Variants in GPBP1 observed in about 807,000 individuals in gnomAD.
GPBP1 encodes GC-rich promoter binding protein 1.
Under a neutral mutation model 56.5 loss-of-function variants are expected in GPBP1, and 13 were observed. The ratio of observed to expected loss-of-function variants is 0.23; its 90% CI spans 0.15 to 0.37. GPBP1 has a LOEUF of 0.37. Among genes scored for constraint, GPBP1 ranks in the 10% least tolerant of loss-of-function variants. GPBP1 has a pLI of 1.00. For synonymous variants in GPBP1, 204 were observed against 188.9 expected, an observed-to-expected ratio of 1.08 and a Z score of -0.66; for missense variants, 477 against 572.3, an observed-to-expected ratio of 0.83 and a Z score of 1.70.
intron 8 of GPBP1, among the ~76,000 whole-genome samples, chr5:57,248,097 C>T (rs905599063): frequency 6.6e-6 from 1 of 152,024 alleles, no homozygotes; most frequent in South Asian, 2.1e-4. Context: ...TAATTTGATA[C>T]TTGTGATAGT....
rs1041773604 is a variant in GPBP1 at position 57,264,418 on chromosome 5, A to G, written c.*1666A>G. 2.6e-5 allele frequency: 4 copies of G among 152,152 alleles called. No homozygotes were observed. The highest frequency in any genetic ancestry group is 7.2e-5 in the African/African-American group (3 of 41,440). 9.4% of individuals were successfully genotyped at this position (152,152 alleles called of 1,614,324 possible). A position where few individuals can be genotyped will look rare whatever the true frequency, so the allele number is the denominator to read the frequency against. On this transcript the variant is annotated 3_prime_UTR_variant, in exon 12 of 12. Coordinates refer to ENST00000506184, the MANE Select transcript of GPBP1 (RefSeq NM_022913.4). ...TTTGCTTAATAGATTAATGAAATTT[A>G]TCAGATACAACCTGTATTTCCAAAA...
chr5:57,192,481 C>T (rs946924969), intron 2 of GPBP1, among the ~76,000 whole-genome samples: 4 of 151,972 alleles, frequency 2.6e-5, no homozygotes, highest in Admixed American at 6.6e-5. Context: ...TGGCTGGGCA[C>T]GGTGGCTCAC....
rs138518146 is a variant in GPBP1, at chr5:57,258,627, C to T, written c.1161-2553C>T. On this transcript the variant is annotated intron_variant, in intron 10 of 11. Coordinates refer to ENST00000506184, the MANE Select transcript of GPBP1 (RefSeq NM_022913.4). ...TGTATGTTTAGGGGGGAAAGGGAAA[C>T]ACAGATTGTTTTTATTTTTTCTTAT... Among the ~76,000 whole-genome samples, 478 of 152,192 alleles carry T rather than the reference C, an allele frequency of 3.1e-3. 4 individuals are homozygous for T. Among genetic ancestry groups the T allele is most frequent in the African/African-American group, 0.011 (457 of 41,526 alleles).
intron 2 of GPBP1, among the ~76,000 whole-genome samples, chr5:57,195,212 G>C (rs1449609710): frequency 1.3e-5 from 2 of 152,090 alleles, no homozygotes; most frequent in Non-Finnish European, 2.9e-5. Flanking sequence ...CTAGAGTGCA[G>C]TGGCATGATC....
intron 10 of GPBP1, among the ~76,000 whole-genome samples, chr5:57,257,159 G>A (rs1561379226): frequency 2.0e-5 from 3 of 151,408 alleles, no homozygotes; most frequent in East Asian, 3.9e-4. Flanking sequence ...TCGGCCTCCC[G>A]GAATAGCTGG....
At position 57,189,211 on chromosome 5, in the gene GPBP1, C is replaced by T. The variant is rs557792504; in HGVS notation, c.-58+12811C>T. Among the ~76,000 whole-genome samples the T allele has an allele frequency of 2.0e-5, 3 of 152,292 alleles. No homozygotes were observed. In the South Asian group the frequency reaches 6.2e-4, roughly 32 times the overall value. On this transcript the variant is annotated intron_variant, in intron 2 of 11. Coordinates refer to ENST00000506184, the MANE Select transcript of GPBP1 (RefSeq NM_022913.4). ...CTCAGTTCACTGCAACTTCCACTTTCCAGTTCAGGTCATTCTCATGCCTCA... is the reference window on the plus strand; with the variant it reads ...CTCAGTTCACTGCAACTTCCACTTTTCAGTTCAGGTCATTCTCATGCCTCA...
chr5:57,200,360 A>T (rs1471208228), intron 2 of GPBP1, among the ~76,000 whole-genome samples: 18 of 69,834 alleles, frequency 2.6e-4, no homozygotes, highest in African/African-American at 1.0e-3. Context: ...ATAAGTTTGA[A>T]TTTTTTTTTT....
At chr5:57,179,536 C>T (rs978761991) in intron 2 of GPBP1, among the ~76,000 whole-genome samples, 1 of 152,176 alleles carries the variant, frequency 6.6e-6, no homozygotes, top group African/African-American at 2.4e-5. Flanking sequence ...TCACCCATAG[C>T]CTGTTTCCAC....
At position 57,253,295 on chromosome 5, in the gene GPBP1, A is replaced by C. The variant is rs1255732477; in HGVS notation, c.1160+2154A>C. ...TTAGATTATCATATTATTATTCTGT[A>C]ATTGCTTTGTATAAACTGATTTTTT... is the stretch of plus-strand genomic sequence containing the variant. On this transcript the variant is annotated intron_variant, in intron 10 of 11. Coordinates refer to ENST00000506184, the MANE Select transcript of GPBP1 (RefSeq NM_022913.4). Among the ~76,000 whole-genome samples, 2 of 152,164 alleles carry C rather than the reference A, an allele frequency of 1.3e-5. 1 individual carries two copies. Among genetic ancestry groups the C allele is most frequent in the Admixed American group, 1.3e-4 (2 of 15,268 alleles).
chr5:57,174,810 G>T (rs989497132), intron 1 of GPBP1, among the ~76,000 whole-genome samples: 4 of 152,152 alleles, frequency 2.6e-5, no homozygotes, highest in Non-Finnish European at 5.9e-5. Flanking sequence ...CCTCAGTTTT[G>T]GGAGAAACCT....
intron 3 of GPBP1, among the ~76,000 whole-genome samples, chr5:57,220,332 G>A (rs1184604492): frequency 1.3e-5 from 2 of 151,736 alleles, no homozygotes; most frequent in African/African-American, 4.8e-5. Context: ...TTTTGGACCT[G>A]ACTCTTGATT....
chr5:57,248,080 A>G (rs947280520), intron 8 of GPBP1, among the ~76,000 whole-genome samples: 6 of 152,110 alleles, frequency 3.9e-5, no homozygotes, highest in Admixed American at 6.5e-5. Flanking sequence ...GAAAATTGCA[A>G]TTTTCTTAAT....
At chr5:57,261,385 C>T (rs949576728) in intron 11 of GPBP1, 103 bp downstream of exon 11, 34 of 679,440 alleles carry the variant, frequency 5.0e-5, no homozygotes, top group Middle Eastern at 6.8e-4. Context: ...GAATTTATCA[C>T]GATAGGTCAG....
intron 10 of GPBP1, among the ~76,000 whole-genome samples, chr5:57,255,994 C>T (rs902807087): frequency 6.6e-5 from 10 of 152,142 alleles, no homozygotes; most frequent in Non-Finnish European, 1.3e-4. Context: ...CAATGACTCA[C>T]GCCTATAATC....
chr5:57,255,149 G>A (rs756596881), intron 10 of GPBP1, among the ~76,000 whole-genome samples: 1 of 152,020 alleles, frequency 6.6e-6, no homozygotes, highest in Non-Finnish European at 1.5e-5. Flanking sequence ...TTGTGAAACT[G>A]TTTTCCTGTG....
At chr5:57,234,145 T>G (rs1756571364) in intron 5 of GPBP1, among the ~76,000 whole-genome samples, 1 of 152,220 alleles carries the variant, frequency 6.6e-6, no homozygotes, top group Non-Finnish European at 1.5e-5. Context: ...ATAATCTCAG[T>G]ACAATGTTAG....
At chr5:57,247,276 G>A (rs185242864) in intron 8 of GPBP1, 61 bp downstream of exon 8, 617 of 1,305,768 alleles carry the variant, frequency 4.7e-4, no homozygotes, top group Non-Finnish European at 6.2e-4. Flanking sequence ...GTTTAACAGT[G>A]AATAAAAGGT....
At chr5:57,244,106 G>A (rs1213657684) in intron 6 of GPBP1, among the ~76,000 whole-genome samples, 1 of 152,164 alleles carries the variant, frequency 6.6e-6, no homozygotes, top group Admixed American at 6.5e-5. Flanking sequence ...GAATTAGTAA[G>A]GATCTTTTGA....
chr5:57,211,332 A>C (rs1039185635), intron 2 of GPBP1, among the ~76,000 whole-genome samples: 1 of 152,182 alleles, frequency 6.6e-6, no homozygotes, highest in East Asian at 1.9e-4. Flanking sequence ...GACTACAGGC[A>C]TGGACCACCA....
Sources: gnomAD v4.1 joint callset for allele counts (sites outside exome capture counted in the v4.1 genomes callset) on GRCh38, gnomAD v4.1.1 for gene constraint, MANE v1.5 for transcripts, NCBI Gene and HGNC (gene_info 2026-07-23, HGNC 2026-07-21) for gene names.